The following L3MBTL4 variants were observed in gnomAD, a reference collection of about 807,000 sequenced individuals.
L3MBTL4 encodes the protein lethal(3)malignant brain tumor-like protein 4.
Under a neutral mutation model 84.5 loss-of-function variants are expected in L3MBTL4, and 70 were observed. The observed-to-expected ratio is 0.83, with a 90% CI of 0.68 to 1.01. The LOEUF (loss-of-function observed/expected upper bound fraction) is 1.01, where lower values mean the gene tolerates loss of function less well. Ranked by LOEUF, L3MBTL4 falls within the 50% of genes least tolerant of loss-of-function variation. The pLI is 0.00. For missense variants in L3MBTL4, 715 were observed against 754.8 expected, an observed-to-expected ratio of 0.95 and a Z score of 0.62; for synonymous variants, 274 against 259.8, an observed-to-expected ratio of 1.05 and a Z score of -0.52.
At chr18:6,042,786 C>CAGGAG (rs1386018177) in intron 16 of L3MBTL4, among the ~76,000 whole-genome samples, 1 of 152,198 alleles carries the variant, frequency 6.6e-6, no homozygotes, top group Non-Finnish European at 1.5e-5. Flanking sequence ...CATCCAGATG[C>CAGGAG]AGGAGTTCAA....
intron 4 of L3MBTL4, among the ~76,000 whole-genome samples, chr18:6,301,473 A>G (rs1246189758): frequency 6.6e-6 from 1 of 152,222 alleles, no homozygotes; most frequent in Non-Finnish European, 1.5e-5. Flanking sequence ...ATTAATAACC[A>G]TAATGAGGAG....
At chr18:5,962,183 A>G (rs2095266879) in intron 17 of L3MBTL4, among the ~76,000 whole-genome samples, 1 of 152,026 alleles carries the variant, frequency 6.6e-6, no homozygotes, top group Admixed American at 6.6e-5. Context: ...CCCTTGAGAG[A>G]GGTAGGAAGG....
intron 12 of L3MBTL4, among the ~76,000 whole-genome samples, chr18:6,179,577 A>G (rs2044375217): frequency 6.6e-6 from 1 of 152,184 alleles, no homozygotes; most frequent in African/African-American, 2.4e-5. Flanking sequence ...TTTACAGAAT[A>G]CTATCATAAT....
intron 1 of L3MBTL4, among the ~76,000 whole-genome samples, chr18:6,404,790 G>A (rs777050335): frequency 4.6e-5 from 7 of 152,044 alleles, no homozygotes; most frequent in Non-Finnish European, 8.8e-5. Flanking sequence ...GGGCTCAAGG[G>A]ATCCTTCTGC....
intron 16 of L3MBTL4, among the ~76,000 whole-genome samples, chr18:6,057,537 C>G (rs523364): frequency 0.18 from 27,075 of 152,074 alleles, 4,563 homozygotes; most frequent in African/African-American, 0.45. Context: ...TTAAATACTT[C>G]TTGTTTACTT....
intron 14 of L3MBTL4, among the ~76,000 whole-genome samples, chr18:6,131,764 T>C (rs1320652235): frequency 6.6e-6 from 1 of 152,234 alleles, no homozygotes; most frequent in Non-Finnish European, 1.5e-5. Flanking sequence ...AGTGCATGTA[T>C]ATAATATTCT....
At chr18:5,991,968 ACAGTACATCCATC>A (rs1201027594) in intron 16 of L3MBTL4, among the ~76,000 whole-genome samples, 1 of 146,920 alleles carries the variant, frequency 6.8e-6, no homozygotes, top group East Asian at 2.0e-4. Flanking sequence ...CTTTTGGCCA[ACAGTACATCCATC>A]CAGTGCATCC....
chr18:6,036,269 C>T (rs2056135084), intron 16 of L3MBTL4, among the ~76,000 whole-genome samples: 1 of 152,086 alleles, frequency 6.6e-6, no homozygotes, highest in African/African-American at 2.4e-5. Context: ...ATTCTCTATA[C>T]CCCTTTCTCT....
At chr18:6,210,556 AT>A in intron 12 of L3MBTL4, among the ~76,000 whole-genome samples, 1 of 152,334 alleles carries the variant, frequency 6.6e-6, no homozygotes, top group Non-Finnish European at 1.5e-5. Context: ...CTTCATCTAC[AT>A]AACGGGTATA....
At chr18:6,048,398 G>T (rs548835497) in intron 16 of L3MBTL4, among the ~76,000 whole-genome samples, 8 of 152,070 alleles carry the variant, frequency 5.3e-5, no homozygotes, top group Non-Finnish European at 1.2e-4. Context: ...AAATGTATTT[G>T]GAACCAAAAA....
intron 16 of L3MBTL4, among the ~76,000 whole-genome samples, chr18:6,055,162 A>C (rs1042831351): frequency 5.9e-5 from 9 of 152,246 alleles, no homozygotes; most frequent in African/African-American, 2.2e-4. Flanking sequence ...AAACCATTTT[A>C]GTCATCCCAA....
chr18:6,234,811 C>T (rs112884529), intron 10 of L3MBTL4, among the ~76,000 whole-genome samples: 11,953 of 152,154 alleles, frequency 0.079, 1,582 homozygotes, highest in African/African-American at 0.27. Flanking sequence ...GCGATCCCAT[C>T]ACTGGGTATA....
At chr18:6,231,254 A>T (rs1176376897) in intron 10 of L3MBTL4, among the ~76,000 whole-genome samples, 2 of 152,092 alleles carry the variant, frequency 1.3e-5, no homozygotes, top group African/African-American at 4.8e-5. Context: ...TGATTTTTGT[A>T]CATGGTATAA....
intron 1 of L3MBTL4, among the ~76,000 whole-genome samples, chr18:6,411,387 T>A (rs2055957655): frequency 6.6e-6 from 1 of 152,220 alleles, no homozygotes; most frequent in African/African-American, 2.4e-5. Context: ...AAAATGCTAT[T>A]CGAATGAAGG....
chr18:6,093,314 A>G lies in L3MBTL4; in HGVS notation c.1373+41T>C, dbSNP rs754743167. On this transcript the variant is annotated intron_variant, in intron 15 of 18. Transcript: ENST00000317931. ...CAAAATTGTTCTTTTACTATTCTAC[A>G]TGGTTTACTTTCTGGCTCACATTTT... 6.5e-5 allele frequency: 98 copies of G among 1,504,972 alleles called. No homozygotes were observed. The East Asian group carries it at 2.1e-3, about 32-fold the overall frequency. The allele number at this position is 1,504,972 out of a possible 1,614,324, so 93.2% of individuals were successfully genotyped here. A position where few individuals can be genotyped will look rare whatever the true frequency, so the allele number is the denominator to read the frequency against.
intron 1 of L3MBTL4, among the ~76,000 whole-genome samples, chr18:6,353,633 C>G (rs1225033544): frequency 1.3e-5 from 2 of 152,010 alleles, no homozygotes; most frequent in South Asian, 4.1e-4. Flanking sequence ...AGTAGCATTT[C>G]TATATGCCAA....
intron 16 of L3MBTL4, among the ~76,000 whole-genome samples, chr18:6,070,803 A>C (rs1007207448): frequency 4.6e-5 from 7 of 152,120 alleles, no homozygotes; most frequent in Non-Finnish European, 1.0e-4. Flanking sequence ...GCACCACTGC[A>C]CTCCAGCCTG....
At chr18:6,347,862 G>GA (rs540388603) in intron 1 of L3MBTL4, among the ~76,000 whole-genome samples, 4 of 151,000 alleles carry the variant, frequency 2.6e-5, no homozygotes, top group South Asian at 4.2e-4. Flanking sequence ...ATTGGAAGGG[G>GA]AAAAAAAAGA....
chr18:6,017,016 G>A (rs946777973), intron 16 of L3MBTL4, among the ~76,000 whole-genome samples: 1 of 94,374 alleles, frequency 1.1e-5, no homozygotes, highest in Non-Finnish European at 1.9e-5. Context: ...AGCAGAGGGG[G>A]TGGTAAATGG....
Sources: allele counts gnomAD v4.1 joint callset (sites outside exome capture counted in the v4.1 genomes callset), GRCh38; gene constraint gnomAD v4.1.1; transcripts MANE v1.5; gene names NCBI Gene and HGNC (gene_info 2026-07-23, HGNC 2026-07-21).